The following PLD1 variants were observed in gnomAD, a reference collection of about 807,000 sequenced individuals.
PLD1 encodes choline phosphatase 1.
Under a neutral mutation model 137.1 loss-of-function variants are expected in PLD1, and 112 were observed. The observed-to-expected ratio is 0.82, with a 90% confidence interval of 0.70 to 0.96. The LOEUF is 0.96. Among genes scored for constraint, PLD1 ranks in the 40% least tolerant of loss-of-function variants. PLD1 has a pLI of 0.00. For missense variants in PLD1, 1,321 were observed against 1,342.0 expected (o/e 0.98, Z 0.24); for synonymous variants, 431 against 454.7 (o/e 0.95, Z 0.66).
intron 1 of PLD1, among the ~76,000 whole-genome samples, chr3:171,748,102 G>T (rs1184589823): frequency 6.6e-6 from 1 of 152,148 alleles, no homozygotes; most frequent in Admixed American, 6.5e-5. Flanking sequence ...AATGCCAAGG[G>T]CATTTAGATG....
chr3:171,741,560 C>G (rs1719773862), intron 1 of PLD1, among the ~76,000 whole-genome samples: 1 of 152,162 alleles, frequency 6.6e-6, no homozygotes, highest in Non-Finnish European at 1.5e-5. Context: ...ATTTTGTTAC[C>G]TCCTTATAAA....
At chr3:171,741,095 A>T (rs910032568) in intron 1 of PLD1, among the ~76,000 whole-genome samples, 1 of 152,142 alleles carries the variant, frequency 6.6e-6, no homozygotes, top group African/African-American at 2.4e-5. Context: ...GATCATACTA[A>T]TCCCACAGTC....
intron 1 of PLD1, among the ~76,000 whole-genome samples, chr3:171,764,892 A>AAAGG (rs61475367): frequency 1.0e-3 from 21 of 20,398 alleles, no homozygotes; most frequent in East Asian, 3.5e-3. Context: ...AGAAAGAAAG[A>AAAGG]AAGGAAGGAA....
rs765261809 is a variant in PLD1 at position 171,734,912 on chromosome 3, G to A, written c.493C>T (p.Arg165Cys). 6.2e-6 allele frequency: 10 copies of A among 1,612,984 alleles called. No individual in the cohort carries two copies. Among genetic ancestry groups the A allele is most frequent in the African/African-American group, 1.3e-5 (1 of 74,826 alleles). The change falls in exon 5 of 27, where the codon CGT becomes TGT. Residue 165 changes from arginine (R) to cysteine (C), a missense_variant. By Grantham distance (180) the Arg-to-Cys change is radical (BLOSUM62 -3). Transcript: ENST00000351298. ...TCTCTTATCATGTTTTCAGATGAAC[G>A]GGGCAAACTGGGCATCTCTCGAGGC... ...EEPREMPSLP[R>C]SSENMIREEQ...
chr3:171,799,526 AG>A (rs1723565448), intron 1 of PLD1, among the ~76,000 whole-genome samples: 1 of 152,202 alleles, frequency 6.6e-6, no homozygotes. Flanking sequence ...ATAACATTAA[AG>A]GAAGTAAAGG....
chr3:171,608,739 T>A (rs1390112692), intron 25 of PLD1, among the ~76,000 whole-genome samples: 2 of 152,166 alleles, frequency 1.3e-5, no homozygotes, highest in Non-Finnish European at 2.9e-5. Flanking sequence ...GACCCCGACC[T>A]CACTTCTTAC....
intron 12 of PLD1, among the ~76,000 whole-genome samples, chr3:171,696,353 A>G (rs1715690117): frequency 6.6e-6 from 1 of 152,206 alleles, no homozygotes; most frequent in Non-Finnish European, 1.5e-5. Context: ...ATTATTTTAA[A>G]TGATGGCATT....
intron 21 of PLD1, among the ~76,000 whole-genome samples, chr3:171,652,412 CAAA>C (rs1200348368): frequency 1.0e-4 from 6 of 58,824 alleles, no homozygotes; most frequent in Non-Finnish European, 1.2e-4. Flanking sequence ...GACTCCTTCT[CAAA>C]AAAAAAAAAA....
At chr3:171,790,042 T>C (rs574927648) in intron 1 of PLD1, 1 of 152,360 alleles carries the variant, frequency 6.6e-6, no homozygotes, top group African/African-American at 2.4e-5. Flanking sequence ...TTCAATCAAG[T>C]ACTAATCTAC....
chr3:171,745,983 G>A (rs934798683), intron 1 of PLD1, among the ~76,000 whole-genome samples: 3 of 151,674 alleles, frequency 2.0e-5, no homozygotes, highest in Non-Finnish European at 4.4e-5. Context: ...CGCACTCAGA[G>A]CGGCTGGCGC....
At chr3:171,731,852 G>A (rs1718974726) in intron 6 of PLD1, among the ~76,000 whole-genome samples, 1 of 152,150 alleles carries the variant, frequency 6.6e-6, no homozygotes, top group Admixed American at 6.5e-5. Flanking sequence ...CAAAGGAAAT[G>A]TTTACAGGTC....
chr3:171,711,817 TAAAAA>T (rs36106956), intron 9 of PLD1, among the ~76,000 whole-genome samples: 5 of 99,160 alleles, frequency 5.0e-5, no homozygotes, highest in African/African-American at 7.9e-5. Context: ...TTATAAATGC[TAAAAA>T]AAAAAAAAAA....
At chr3:171,769,150 A>G (rs180761594) in intron 1 of PLD1, among the ~76,000 whole-genome samples, 151 of 152,306 alleles carry the variant, frequency 9.9e-4, no homozygotes, top group African/African-American at 3.4e-3. Context: ...TCTGGTTTTT[A>G]GGGAGTTTCC....
chr3:171,668,850 C>T (rs1022881919), intron 19 of PLD1, among the ~76,000 whole-genome samples: 4 of 152,188 alleles, frequency 2.6e-5, no homozygotes, highest in Non-Finnish European at 2.9e-5. Flanking sequence ...TATAATATAT[C>T]TTAAATGCCA....
intron 1 of PLD1, among the ~76,000 whole-genome samples, chr3:171,777,536 C>T (rs1473717091): frequency 6.6e-6 from 1 of 152,224 alleles, no homozygotes; most frequent in Non-Finnish European, 1.5e-5. Context: ...TAACCTGAAG[C>T]CATTTTCTCT....
Position 171,737,872 on chromosome 3 carries a change from C to A in PLD1, c.160+20G>T, listed in dbSNP as rs199590974. 1 of 1,609,052 alleles carries A rather than the reference C, an allele frequency of 6.2e-7. No individual in the cohort carries two copies. Among genetic ancestry groups the A allele is most frequent in the Non-Finnish European group, 8.5e-7 (1 of 1,178,088 alleles). The stretch of plus-strand genomic sequence containing the variant: ...CCGAGATAAACTCTTTTCTTCCCCG[C>A]TCAGATCATCCGTCTTTACCTTCTT... On this transcript the variant is annotated intron_variant, in intron 2 of 26. Transcript: ENST00000351298.
chr3:171,775,774 C>G (rs1389969230), intron 1 of PLD1, among the ~76,000 whole-genome samples: 1 of 152,048 alleles, frequency 6.6e-6, no homozygotes, highest in Non-Finnish European at 1.5e-5. Flanking sequence ...ACCCAGGAGG[C>G]AGAGGTTGCA....
intron 21 of PLD1, among the ~76,000 whole-genome samples, chr3:171,655,733 G>C (rs1304112582): frequency 1.3e-5 from 2 of 152,160 alleles, no homozygotes; most frequent in African/African-American, 4.8e-5. Context: ...ATATTTTACA[G>C]TTGCAATTAA....
intron 13 of PLD1, among the ~76,000 whole-genome samples, chr3:171,690,602 G>C (rs1208707868): frequency 6.6e-6 from 1 of 151,914 alleles, no homozygotes; most frequent in Non-Finnish European, 1.5e-5. Flanking sequence ...TTTTATCATT[G>C]CTTGTTTAAC....
Sources: allele counts gnomAD v4.1 joint callset (sites outside exome capture counted in the v4.1 genomes callset), GRCh38; gene constraint gnomAD v4.1.1; transcripts MANE v1.5; gene names NCBI Gene and HGNC (gene_info 2026-07-23, HGNC 2026-07-21).